Variants in ADAMTS19 observed in about 807,000 individuals in gnomAD.
ADAMTS19 encodes the protein ADAM metallopeptidase with thrombospondin type 1 motif 19.
Under a neutral mutation model 153.3 loss-of-function variants are expected in ADAMTS19, and 93 were observed. The observed-to-expected ratio is 0.61, with a 90% CI of 0.51 to 0.72. The LOEUF (loss-of-function observed/expected upper bound fraction) is 0.72. Ranked by LOEUF, ADAMTS19 falls within the 30% of genes least tolerant of loss-of-function variation. The probability of loss-of-function intolerance (pLI) is 0.00; values close to 1 mark genes in which losing one functional copy is unlikely to be tolerated. For missense variants in ADAMTS19, 1,482 were observed against 1,552.1 expected (o/e 0.95, Z 0.76); for synonymous variants, 600 against 556.6 (o/e 1.08, Z -1.10).
At chr5:129,513,637 A>AT (rs200840806) in intron 3 of ADAMTS19, among the ~76,000 whole-genome samples, 17 of 151,576 alleles carry the variant, frequency 1.1e-4, no homozygotes, top group South Asian at 6.3e-4. Context: ...CTCATTTCTT[A>AT]TTTTTTTTAA....
intron 2 of ADAMTS19, among the ~76,000 whole-genome samples, chr5:129,483,345 G>C (rs1327495765): frequency 6.6e-6 from 1 of 152,162 alleles, no homozygotes; most frequent in East Asian, 1.9e-4. Context: ...ATGGTTATAG[G>C]TGAGATTAAA....
At chr5:129,702,342 C>T (rs1041204450) in intron 20 of ADAMTS19, among the ~76,000 whole-genome samples, 2 of 152,300 alleles carry the variant, frequency 1.3e-5, no homozygotes, top group African/African-American at 4.8e-5. Context: ...TATAAACATA[C>T]TTATATACTC....
chr5:129,674,443 T>C (rs1407521066), intron 16 of ADAMTS19, among the ~76,000 whole-genome samples: 1 of 152,234 alleles, frequency 6.6e-6, no homozygotes, highest in East Asian at 1.9e-4. Context: ...ATTTGTTTTC[T>C]ATTTGTTCCA....
intron 12 of ADAMTS19, 23 bp from the exon 13 acceptor site, chr5:129,648,775 A>T (rs1320318354): frequency 6.2e-7 from 1 of 1,604,282 alleles, no homozygotes; most frequent in Non-Finnish European, 8.5e-7. Context: ...CATAAAATTG[A>T]TTATTTGTAC....
chr5:129,476,450 G>A (rs1192055305), intron 2 of ADAMTS19, among the ~76,000 whole-genome samples: 1 of 151,758 alleles, frequency 6.6e-6, no homozygotes, highest in Admixed American at 6.6e-5. Flanking sequence ...TTAGGGTCAG[G>A]GTTCAAATCA....
At chr5:129,608,478 T>G (rs1426831786) in intron 8 of ADAMTS19, among the ~76,000 whole-genome samples, 1 of 151,978 alleles carries the variant, frequency 6.6e-6, no homozygotes, top group African/African-American at 2.4e-5. Flanking sequence ...ATACATAGAT[T>G]TGGTTACACT....
At chr5:129,721,819 T>C (rs929420052) in intron 21 of ADAMTS19, among the ~76,000 whole-genome samples, 16 of 151,670 alleles carry the variant, frequency 1.1e-4, no homozygotes, top group Non-Finnish European at 2.4e-4. Context: ...ATTCTCATTG[T>C]TCAGCTCCCA....
intron 8 of ADAMTS19, among the ~76,000 whole-genome samples, chr5:129,605,388 G>A (rs1318222076): frequency 6.6e-6 from 1 of 152,118 alleles, no homozygotes; most frequent in African/African-American, 2.4e-5. Context: ...AAACATAAAA[G>A]ACTAACAGTC....
chr5:129,565,986 T>C (rs1384928610), intron 7 of ADAMTS19, among the ~76,000 whole-genome samples: 2 of 152,132 alleles, frequency 1.3e-5, no homozygotes, highest in African/African-American at 4.8e-5. Flanking sequence ...TTAATACAAT[T>C]TATATTATTT....
chr5:129,549,750 A>C (rs1372829049), intron 6 of ADAMTS19, among the ~76,000 whole-genome samples: 1 of 150,726 alleles, frequency 6.6e-6, no homozygotes, highest in Non-Finnish European at 1.5e-5. Flanking sequence ...TTAAATATAC[A>C]TTTCTAATAT....
At chr5:129,490,308 A>C (rs534893917) in intron 2 of ADAMTS19, among the ~76,000 whole-genome samples, 78 of 152,266 alleles carry the variant, frequency 5.1e-4, no homozygotes, top group African/African-American at 1.7e-3. Context: ...TCCCATGGCC[A>C]AGTGATCAAC....
At chr5:129,733,444 C>G (rs1757531579) in intron 21 of ADAMTS19, among the ~76,000 whole-genome samples, 1 of 151,728 alleles carries the variant, frequency 6.6e-6, no homozygotes, top group Admixed American at 6.6e-5. Context: ...GCAAGGAACT[C>G]AAACAACTCA....
intron 7 of ADAMTS19, among the ~76,000 whole-genome samples, chr5:129,558,906 G>A (rs1223831872): frequency 9.5e-6 from 1 of 105,004 alleles, no homozygotes; most frequent in Non-Finnish European, 2.0e-5. Context: ...TGCAAAAACA[G>A]GAGTCTATTT....
intron 4 of ADAMTS19, 136 bp downstream of exon 4, chr5:129,526,592 C>T (rs1752017288): frequency 1.3e-6 from 1 of 792,098 alleles, no homozygotes; most frequent in Admixed American, 3.9e-5. Flanking sequence ...TAAAAAAATA[C>T]TTAGGTATAT....
At chr5:129,647,118 T>C (rs535232372) in intron 11 of ADAMTS19, among the ~76,000 whole-genome samples, 1 of 151,364 alleles carries the variant, frequency 6.6e-6, no homozygotes, top group Non-Finnish European at 1.5e-5. Context: ...ATAAAATAAT[T>C]GGCATGAAAT....
chr5:129,472,040 A>G (rs1028268325), intron 2 of ADAMTS19, among the ~76,000 whole-genome samples: 3 of 152,232 alleles, frequency 2.0e-5, no homozygotes, highest in Non-Finnish European at 2.9e-5. Context: ...TTATAATAGA[A>G]CAATTTGTAT....
intron 6 of ADAMTS19, among the ~76,000 whole-genome samples, chr5:129,543,042 T>TC (rs1752710608): frequency 6.8e-6 from 1 of 146,542 alleles, no homozygotes; most frequent in Non-Finnish European, 1.5e-5. Context: ...TTGTTGTTGT[T>TC]GTTTTGTTTT....
At chr5:129,616,450 T>C (rs1243767058) in intron 8 of ADAMTS19, among the ~76,000 whole-genome samples, 1 of 151,986 alleles carries the variant, frequency 6.6e-6, no homozygotes, top group Non-Finnish European at 1.5e-5. Flanking sequence ...TCAGATCCTT[T>C]CCAAATTATC....
At chr5:129,524,418 G>A (rs7447661) in intron 3 of ADAMTS19, among the ~76,000 whole-genome samples, 43,282 of 151,788 alleles carry the variant, frequency 0.29, 8,629 homozygotes, top group African/African-American at 0.56. Context: ...TGACTAAAAC[G>A]CCAAAAGCAA....
Sources: gnomAD v4.1 joint callset for allele counts (sites outside exome capture counted in the v4.1 genomes callset) on GRCh38, gnomAD v4.1.1 for gene constraint, MANE v1.5 for transcripts, NCBI Gene and HGNC (gene_info 2026-07-23, HGNC 2026-07-21) for gene names.